The following NRG1 variants were observed in gnomAD, a reference collection of about 807,000 sequenced individuals.
NRG1 encodes the protein neuregulin 1, also known as pro-neuregulin-1, membrane-bound isoform.
NRG1 carries 18 observed loss-of-function variants against 63.8 expected under a neutral mutation model. That is an observed-to-expected ratio of 0.28 (90% CI 0.19 to 0.42). The LOEUF is 0.42. Ranked by LOEUF, NRG1 falls within the 10% of genes least tolerant of loss-of-function variation. The pLI is 1.00. For synonymous variants in NRG1, 302 were observed against 301.3 expected (o/e 1.00, Z -0.02); for missense variants, 762 against 814.7 (o/e 0.94, Z 0.79).
intron 1 of NRG1, among the ~76,000 whole-genome samples, chr8:32,289,273 A>G (rs1397665178): frequency 6.6e-6 from 1 of 152,148 alleles, no homozygotes; most frequent in Non-Finnish European, 1.5e-5. Context: ...CTAAGGAGGA[A>G]AAGACTAGCT....
At chr8:32,735,807 A>C (rs1352558771) in intron 6 of NRG1, among the ~76,000 whole-genome samples, 2 of 152,228 alleles carry the variant, frequency 1.3e-5, no homozygotes, top group Non-Finnish European at 2.9e-5. Flanking sequence ...CCAAGGTTCA[A>C]ACAAGAAGTT....
intron 1 of NRG1, among the ~76,000 whole-genome samples, chr8:31,928,610 T>C (rs1270442294): frequency 3.4e-5 from 5 of 146,242 alleles, no homozygotes; most frequent in Admixed American, 1.4e-4. Flanking sequence ...GGTGCGTGCA[T>C]GTGTGTGTGT....
At chr8:32,113,288 C>CT (rs1832278330) in intron 1 of NRG1, among the ~76,000 whole-genome samples, 1 of 152,170 alleles carries the variant, frequency 6.6e-6, no homozygotes. Context: ...TTATTTCCCT[C>CT]TTTTCTCCTT....
At chr8:32,369,541 G>A (rs1398860866) in intron 1 of NRG1, among the ~76,000 whole-genome samples, 1 of 152,194 alleles carries the variant, frequency 6.6e-6, no homozygotes, top group South Asian at 2.1e-4. Flanking sequence ...ACTCTTACCA[G>A]CTCTCTCTAG....
chr8:32,221,881 T>C (rs1845851743), intron 1 of NRG1, among the ~76,000 whole-genome samples: 1 of 150,330 alleles, frequency 6.7e-6, no homozygotes, highest in African/African-American at 2.5e-5. Flanking sequence ...ATGTTTAGTG[T>C]TTTGTTTATA....
upstream of NRG1, chr8:32,548,226 GCGAAGGAGGCGC>G (rs1267532581): frequency 2.0e-6 from 2 of 985,296 alleles, no homozygotes; most frequent in East Asian, 2.3e-4. Flanking sequence ...AGGGGAGGGT[GCGAAGGAGGCGC>G]CTGCCTCCAA....
intron 1 of NRG1, among the ~76,000 whole-genome samples, chr8:32,521,896 A>T (rs1004704898): frequency 6.6e-6 from 1 of 152,130 alleles, no homozygotes; most frequent in African/African-American, 2.4e-5. Context: ...TGCTTTTTTT[A>T]GTTGATTTCC....
chr8:31,648,321 A>G (rs1412232297), intron 1 of NRG1, among the ~76,000 whole-genome samples: 1 of 150,936 alleles, frequency 6.6e-6, no homozygotes, highest in Non-Finnish European at 1.5e-5. Context: ...TTTAGTAGAG[A>G]CGGGGTTTCA....
intron 1 of NRG1, among the ~76,000 whole-genome samples, chr8:31,658,528 T>C (rs775801895): frequency 6.6e-6 from 1 of 152,140 alleles, no homozygotes; most frequent in Non-Finnish European, 1.5e-5. Context: ...AGTGGTGCAA[T>C]CATGGCTCAC....
At chr8:32,093,099 G>T (rs976040500) in intron 1 of NRG1, among the ~76,000 whole-genome samples, 1 of 152,202 alleles carries the variant, frequency 6.6e-6, no homozygotes, top group African/African-American at 2.4e-5. Context: ...GTAGAAAGAA[G>T]TAGACGTGAG....
At chr8:32,031,203 A>G (rs544603798) in intron 1 of NRG1, among the ~76,000 whole-genome samples, 1 of 152,172 alleles carries the variant, frequency 6.6e-6, no homozygotes, top group African/African-American at 2.4e-5. Flanking sequence ...GCTACCATCC[A>G]TCACCAGGCT....
intron 1 of NRG1, among the ~76,000 whole-genome samples, chr8:31,979,472 G>C (rs1808728497): frequency 6.6e-6 from 1 of 151,944 alleles, no homozygotes; most frequent in Admixed American, 6.6e-5. Context: ...CCCAACTCCT[G>C]TCTTACTTCC....
intron 1 of NRG1, among the ~76,000 whole-genome samples, chr8:32,365,415 C>A (rs891688696): frequency 1.3e-5 from 2 of 151,578 alleles, no homozygotes; most frequent in Admixed American, 1.3e-4. Context: ...AGTTGGATTT[C>A]TTTCTCCTTT....
intron 1 of NRG1, among the ~76,000 whole-genome samples, chr8:32,421,438 A>T (rs1439984829): frequency 6.6e-6 from 1 of 152,092 alleles, no homozygotes; most frequent in African/African-American, 2.4e-5. Context: ...TTCAAATGGG[A>T]GATAATTGCT....
chr8:32,340,454 G>T (rs1027946285), intron 1 of NRG1, among the ~76,000 whole-genome samples: 4 of 152,108 alleles, frequency 2.6e-5, no homozygotes, highest in African/African-American at 4.8e-5. Context: ...CTTTCCACCT[G>T]CTAACCAGAT....
At chr8:31,984,954 C>G (rs1217757712) in intron 1 of NRG1, among the ~76,000 whole-genome samples, 2 of 152,098 alleles carry the variant, frequency 1.3e-5, no homozygotes, top group Admixed American at 6.6e-5. Flanking sequence ...AGAAGTATTT[C>G]TTACCTTCTT....
At chr8:31,900,684 C>G (rs780513025) in intron 1 of NRG1, among the ~76,000 whole-genome samples, 2 of 152,120 alleles carry the variant, frequency 1.3e-5, no homozygotes, top group African/African-American at 2.4e-5. Context: ...CTGAACATAT[C>G]CCATCCTGAC....
intron 1 of NRG1, among the ~76,000 whole-genome samples, chr8:32,260,195 G>T (rs180781089): frequency 5.9e-5 from 9 of 152,300 alleles, no homozygotes; most frequent in African/African-American, 1.9e-4. Context: ...GCTGGTTTTA[G>T]TAGGAAAGAT....
At chr8:32,122,621 T>C (rs1406023270) in intron 1 of NRG1, among the ~76,000 whole-genome samples, 1 of 151,602 alleles carries the variant, frequency 6.6e-6, no homozygotes, top group African/African-American at 2.4e-5. Flanking sequence ...AACTTTTTAT[T>C]ATTATTATTA....
Sources: gnomAD v4.1 joint callset for allele counts (sites outside exome capture counted in the v4.1 genomes callset) on GRCh38, gnomAD v4.1.1 for gene constraint, MANE v1.5 for transcripts, NCBI Gene and HGNC (gene_info 2026-07-23, HGNC 2026-07-21) for gene names.